The following ALKBH8 variants were observed in gnomAD, a reference collection of about 807,000 sequenced individuals.
ALKBH8 encodes alkB homolog 8, tRNA methyltransferase.
ALKBH8 carries 36 observed loss-of-function variants against 59.8 expected under a neutral mutation model. The observed-to-expected ratio is 0.60, with a 90% CI of 0.46 to 0.79. The LOEUF (loss-of-function observed/expected upper bound fraction) is 0.79. Among genes scored for constraint, ALKBH8 ranks in the 30% least tolerant of loss-of-function variants. ALKBH8 has a pLI of 0.00. For missense variants in ALKBH8, 768 were observed against 801.0 expected (o/e 0.96, Z 0.50); for synonymous variants, 276 against 273.6 (o/e 1.01, Z -0.09).
chr11:107,510,013 C>G (rs1862556340), intron 11 of ALKBH8, among the ~76,000 whole-genome samples: 1 of 152,196 alleles, frequency 6.6e-6, no homozygotes. Flanking sequence ...AAGCCTTCCT[C>G]TATTTGCAGT....
At chr11:107,540,490 A>C (rs935042656) in intron 7 of ALKBH8, among the ~76,000 whole-genome samples, 1 of 152,242 alleles carries the variant, frequency 6.6e-6, no homozygotes, top group Admixed American at 6.5e-5. Context: ...ATACAGAACA[A>C]AATATATGTT....
At chr11:107,555,078 T>C (rs1864649575) in intron 3 of ALKBH8, among the ~76,000 whole-genome samples, 1 of 151,916 alleles carries the variant, frequency 6.6e-6, no homozygotes. Flanking sequence ...GCTAACACTG[T>C]AAAACCCCGT....
intron 11 of ALKBH8, among the ~76,000 whole-genome samples, chr11:107,507,383 G>T (rs1862432239): frequency 6.6e-6 from 1 of 152,112 alleles, no homozygotes; most frequent in African/African-American, 2.4e-5. Context: ...GATACATAGA[G>T]AAGTGAATTA....
intron 11 of ALKBH8, among the ~76,000 whole-genome samples, chr11:107,509,967 C>T (rs181924267): frequency 3.2e-4 from 49 of 152,244 alleles, no homozygotes; most frequent in African/African-American, 9.9e-4. Flanking sequence ...CCAAATGAAG[C>T]GGATTTTTAA....
chr11:107,531,886 C>T (rs1219605824), intron 8 of ALKBH8, among the ~76,000 whole-genome samples: 4 of 152,200 alleles, frequency 2.6e-5, no homozygotes, highest in African/African-American at 9.6e-5. Context: ...GCCCACTAGC[C>T]ATAGCTTGCC....
chr11:107,504,400 C>T lies in ALKBH8; in HGVS notation c.*258G>A. On this transcript the variant is annotated 3_prime_UTR_variant, in exon 12 of 12. Coordinates refer to ENST00000428149, the MANE Select transcript of ALKBH8 (RefSeq NM_138775.3). ...TGGGCTCTTACCCAAGAATTACAAA[C>T]ACTGCACAAACTGCTTCAATCACTT... 1 of 607,138 alleles carries T rather than the reference C, an allele frequency of 1.6e-6. No individual in the cohort carries two copies. 37.6% of individuals were successfully genotyped at this position (607,138 alleles called of 1,614,324 possible).
intron 11 of ALKBH8, among the ~76,000 whole-genome samples, chr11:107,507,750 G>T (rs901506933): frequency 6.6e-6 from 1 of 152,078 alleles, no homozygotes; most frequent in Non-Finnish European, 1.5e-5. Flanking sequence ...AATGTAAACT[G>T]GATTAAAATA....
intron 1 of ALKBH8, 32 bp downstream of exon 1, chr11:107,565,569 C>T: frequency 1.3e-6 from 2 of 1,535,606 alleles, no homozygotes; most frequent in Middle Eastern, 1.7e-4. Flanking sequence ...GATTTGCTGC[C>T]CGTATGCCCG....
chr11:107,565,437 A>G, intron 1 of ALKBH8, 164 bp downstream of exon 1: 1 of 889,366 alleles, frequency 1.1e-6, no homozygotes, highest in South Asian at 1.7e-5. Context: ...CCCAACGCAG[A>G]CACCCTACTG....
chr11:107,543,444 A>T (rs1441966445), intron 7 of ALKBH8, among the ~76,000 whole-genome samples: 2 of 152,242 alleles, frequency 1.3e-5, no homozygotes, highest in Non-Finnish European at 2.9e-5. Context: ...TGCTGGTCAC[A>T]TAAGTAAAAG....
At chr11:107,512,048 C>G (rs1341816635) in intron 10 of ALKBH8, among the ~76,000 whole-genome samples, 1 of 152,108 alleles carries the variant, frequency 6.6e-6, no homozygotes, top group Non-Finnish European at 1.5e-5. Context: ...ATGCTTTTCT[C>G]TCCCTCAACA....
intron 11 of ALKBH8, among the ~76,000 whole-genome samples, chr11:107,505,961 C>G (rs570210435): frequency 1.3e-5 from 2 of 152,282 alleles, no homozygotes; most frequent in African/African-American, 4.8e-5. Flanking sequence ...AATCTATATG[C>G]AAACACCCTT....
intron 10 of ALKBH8, among the ~76,000 whole-genome samples, chr11:107,519,030 C>A (rs1331541488): frequency 6.6e-6 from 1 of 152,190 alleles, no homozygotes; most frequent in African/African-American, 2.4e-5. Context: ...GTCTTGAACT[C>A]CTGGCCTCAA....
chr11:107,522,440 A>C lies in ALKBH8; in HGVS notation c.1146T>G (p.Ile382Met). Residue 382 changes from isoleucine (I) to methionine (M), a missense_variant, in exon 10 of 12, where the codon ATT (isoleucine) becomes ATG (methionine). Physicochemically the swap from Ile to Met is conservative, Grantham distance 10. Transcript: ENST00000428149. ...QEYVHQVYEEIAGHFSSTRHT... is the reference protein window; with the variant it reads ...QEYVHQVYEEMAGHFSSTRHT... The stretch of plus-strand genomic sequence containing the variant: ...GTCTTGTGCTGCTGAAGTGCCCAGC[A>C]ATCTCTTCATAAACCTGATGGACGT... The C allele has an allele frequency of 6.4e-7, 1 of 1,551,790 alleles. No homozygotes were observed. Among genetic ancestry groups the C allele is most frequent in the Non-Finnish European group, 8.7e-7 (1 of 1,147,020 alleles).
chr11:107,565,427 C>A lies in ALKBH8; in HGVS notation c.-7+174G>T. On this transcript the variant is annotated intron_variant, in intron 1 of 11. Coordinates refer to ENST00000428149, the MANE Select transcript of ALKBH8 (RefSeq NM_138775.3). The stretch of plus-strand genomic sequence containing the variant: ...TGCACCCTAAACACTGAGAGAACCA[C>A]CCAACGCAGACACCCTACTGCCCAC... The A allele has an allele frequency of 4.9e-6, 4 of 808,438 alleles. No individual in the cohort carries two copies. In the Middle Eastern group the frequency reaches 9.4e-4, roughly 190 times the overall value. The allele number at this position is 808,438 out of a possible 1,614,324, so 50.1% of individuals were successfully genotyped here.
chr11:107,513,688 T>C (rs900806388), intron 10 of ALKBH8, among the ~76,000 whole-genome samples: 1 of 152,216 alleles, frequency 6.6e-6, no homozygotes, highest in East Asian at 1.9e-4. Context: ...TTACACACTA[T>C]GGAATACTAT....
intron 10 of ALKBH8, among the ~76,000 whole-genome samples, chr11:107,518,285 T>C (rs1862954630): frequency 6.6e-6 from 1 of 152,172 alleles, no homozygotes; most frequent in African/African-American, 2.4e-5. Context: ...TAAATGATAG[T>C]TATTTATGTA....
intron 7 of ALKBH8, among the ~76,000 whole-genome samples, chr11:107,541,348 T>C (rs558260563): frequency 6.6e-6 from 1 of 152,218 alleles, no homozygotes; most frequent in Non-Finnish European, 1.5e-5. Flanking sequence ...CCATAGTCAA[T>C]TAAAAGTTAC....
At chr11:107,507,877 C>T (rs1049677654) in intron 11 of ALKBH8, among the ~76,000 whole-genome samples, 4 of 152,086 alleles carry the variant, frequency 2.6e-5, no homozygotes, top group African/African-American at 9.7e-5. Flanking sequence ...ATGAGATTTT[C>T]CACATAAAAT....
Sources: allele counts gnomAD v4.1 joint callset (sites outside exome capture counted in the v4.1 genomes callset), GRCh38; gene constraint gnomAD v4.1.1; transcripts MANE v1.5; gene names NCBI Gene and HGNC (gene_info 2026-07-23, HGNC 2026-07-21).